Variants in TSHR observed in about 807,000 individuals in gnomAD.
TSHR encodes the protein thyrotropin receptor.
A neutral mutation model predicts 64.1 loss-of-function variants in TSHR; 51 were observed. That is an observed-to-expected ratio of 0.80 (90% CI 0.64 to 1.01). TSHR has a LOEUF of 1.01. Among genes scored for constraint, TSHR ranks in the 50% least tolerant of loss-of-function variants. TSHR has a pLI of 0.00. For synonymous variants in TSHR, 361 were observed against 361.9 expected, an observed-to-expected ratio of 1.00 and a Z score of 0.03; for missense variants, 877 against 942.8, an observed-to-expected ratio of 0.93 and a Z score of 0.91.
chr14:80,976,002 C>A (rs1243879643), intron 1 of TSHR, among the ~76,000 whole-genome samples: 2 of 151,848 alleles, frequency 1.3e-5, no homozygotes, highest in Non-Finnish European at 2.9e-5. Flanking sequence ...AGCTCCGCCT[C>A]CCGGGTTCAC....
chr14:81,040,526 C>A (rs1884867890), intron 1 of TSHR, among the ~76,000 whole-genome samples: 1 of 151,950 alleles, frequency 6.6e-6, no homozygotes, highest in Admixed American at 6.6e-5. Context: ...GGAGAGACGA[C>A]ATACAGAATG....
At chr14:80,968,615 G>A (rs1887435013) in intron 1 of TSHR, among the ~76,000 whole-genome samples, 1 of 152,132 alleles carries the variant, frequency 6.6e-6, no homozygotes, top group South Asian at 2.1e-4. Flanking sequence ...TTGCCTGATG[G>A]AAAGACCCAG....
intron 1 of TSHR, among the ~76,000 whole-genome samples, chr14:81,020,388 A>G (rs1594960330): frequency 6.6e-6 from 1 of 152,148 alleles, no homozygotes; most frequent in Non-Finnish European, 1.5e-5. Flanking sequence ...TCTGTATTTT[A>G]CAGCTGCTCC....
intron 1 of TSHR, among the ~76,000 whole-genome samples, chr14:80,987,174 T>C (rs1888501437): frequency 6.6e-6 from 1 of 152,198 alleles, no homozygotes; most frequent in African/African-American, 2.4e-5. Context: ...GATTGTATTC[T>C]GTATCTCCTT....
intron 6 of TSHR, among the ~76,000 whole-genome samples, chr14:81,095,807 G>C (rs372173069): frequency 2.6e-5 from 4 of 151,820 alleles, no homozygotes; most frequent in Non-Finnish European, 5.9e-5. Flanking sequence ...CCAGTGTTTC[G>C]GGAGGCTGAG....
chr14:81,073,749 T>G (rs116461792), intron 3 of TSHR, among the ~76,000 whole-genome samples: 1 of 152,268 alleles, frequency 6.6e-6, no homozygotes, highest in African/African-American at 2.4e-5. Context: ...AAATCATTTA[T>G]GTATCCTTCA....
chr14:81,106,841 A>G (rs1889924623), intron 7 of TSHR, among the ~76,000 whole-genome samples: 1 of 151,136 alleles, frequency 6.6e-6, no homozygotes, highest in Admixed American at 6.6e-5. Flanking sequence ...GTTACTCAGG[A>G]GGCTGAGGCA....
At chr14:81,008,186 T>A (rs1566760412) in intron 1 of TSHR, among the ~76,000 whole-genome samples, 2 of 151,728 alleles carry the variant, frequency 1.3e-5, no homozygotes, top group African/African-American at 4.8e-5. Context: ...TTTTTTTTTT[T>A]TTTTGAGATG....
At chr14:81,030,146 C>G (rs1884276317) in intron 1 of TSHR, among the ~76,000 whole-genome samples, 1 of 152,134 alleles carries the variant, frequency 6.6e-6, no homozygotes, top group Non-Finnish European at 1.5e-5. Context: ...TTGGTATAAA[C>G]AAGGTCACTA....
intron 1 of TSHR, among the ~76,000 whole-genome samples, chr14:80,976,841 G>A (rs2139712676): frequency 6.6e-6 from 1 of 152,352 alleles, no homozygotes; most frequent in African/African-American, 2.4e-5. Flanking sequence ...AATGTGATAA[G>A]TGGACTCTCT....
At chr14:81,083,785 G>A (rs2139954499) in intron 3 of TSHR, among the ~76,000 whole-genome samples, 1 of 152,318 alleles carries the variant, frequency 6.6e-6, no homozygotes, top group East Asian at 1.9e-4. Context: ...AAGGAAAGAG[G>A]TTTCATTGAC....
intron 8 of TSHR, chr14:81,109,063 G>T: frequency 9.2e-7 from 1 of 1,081,388 alleles, no homozygotes; most frequent in Non-Finnish European, 1.2e-6. Flanking sequence ...CATTCCCTTG[G>T]TTTTGCCTCA....
chr14:81,091,165 G>A lies in TSHR; in HGVS notation c.467+22G>A, dbSNP rs769088513. The A allele has an allele frequency of 8.8e-6, 14 of 1,597,630 alleles. No individual in the cohort carries two copies. In the South Asian group the frequency reaches 1.4e-4, roughly 16 times the overall value. ...TACTGTAAGTATGCACACATGCCATGTTTGACAATATTTTGTTTGTCACTG... is the reference window on the plus strand; with the variant it reads ...TACTGTAAGTATGCACACATGCCATATTTGACAATATTTTGTTTGTCACTG... On this transcript the variant is annotated intron_variant, in intron 5 of 9. Coordinates refer to ENST00000298171, the MANE Select transcript of TSHR (RefSeq NM_000369.5).
intron 1 of TSHR, chr14:80,983,568 G>T: frequency 8.6e-7 from 1 of 1,166,026 alleles, no homozygotes; most frequent in Non-Finnish European, 1.3e-6. Flanking sequence ...AATTGTAGTT[G>T]TTGATCACTT....
chr14:81,092,822 C>T lies in TSHR; in HGVS notation c.545+214C>T, dbSNP rs1186247282. Among the ~76,000 whole-genome samples the T allele has an allele frequency of 3.9e-5, 6 of 152,268 alleles. No individual in the cohort carries two copies. The South Asian group carries it at 6.2e-4, about 16-fold the overall frequency. On this transcript the variant is annotated intron_variant, in intron 6 of 9. Coordinates refer to ENST00000298171, the MANE Select transcript of TSHR (RefSeq NM_000369.5). ...GTAACAAGACAAGAGGATTCCATTA[C>T]GGCAGTGGTTGGTACATTTTTCACG... is the stretch of plus-strand genomic sequence containing the variant.
At chr14:80,956,415 C>T (rs910531630) in intron 1 of TSHR, among the ~76,000 whole-genome samples, 4 of 152,132 alleles carry the variant, frequency 2.6e-5, no homozygotes, top group Non-Finnish European at 5.9e-5. Flanking sequence ...AATAGTACGT[C>T]CAGAACCCTG....
chr14:81,134,417 T>C (rs1891371706), intron 8 of TSHR, among the ~76,000 whole-genome samples: 1 of 152,176 alleles, frequency 6.6e-6, no homozygotes, highest in South Asian at 2.1e-4. Context: ...ATTACAGATG[T>C]GAGCCACCGC....
intron 1 of TSHR, among the ~76,000 whole-genome samples, chr14:80,971,026 G>A (rs1887564393): frequency 6.6e-6 from 1 of 152,110 alleles, no homozygotes; most frequent in Admixed American, 6.5e-5. Flanking sequence ...AGTAGAGACG[G>A]GTGGCCAGGT....
At position 80,976,190 on chromosome 14, in the gene TSHR, C is replaced by T. The variant is rs988301241; in HGVS notation, c.170+20340C>T. Among the ~76,000 whole-genome samples, 6 of 152,318 alleles carry T rather than the reference C, an allele frequency of 3.9e-5. No individual in the cohort carries two copies. The South Asian group carries it at 8.3e-4, about 21-fold the overall frequency. On this transcript the variant is annotated intron_variant, in intron 1 of 9. Coordinates refer to ENST00000298171, the MANE Select transcript of TSHR (RefSeq NM_000369.5). ...CCTCCCAAAGTGCTGGGATTACAGG[C>T]GTGAGCAAGTACATTCTTAAACGAA...
Sources: gnomAD v4.1 joint callset for allele counts (sites outside exome capture counted in the v4.1 genomes callset) on GRCh38, gnomAD v4.1.1 for gene constraint, MANE v1.5 for transcripts, NCBI Gene and HGNC (gene_info 2026-07-23, HGNC 2026-07-21) for gene names.